The following EHF variants were observed in gnomAD, a reference collection of about 807,000 sequenced individuals.
EHF encodes the protein ETS homologous factor.
Under a neutral mutation model 45.1 loss-of-function variants are expected in EHF, and 14 were observed. The observed-to-expected ratio is 0.31, with a 90% CI of 0.21 to 0.49. The LOEUF (loss-of-function observed/expected upper bound fraction) is 0.49. Ranked by LOEUF, EHF falls within the 20% of genes least tolerant of loss-of-function variation. The probability of loss-of-function intolerance (pLI) is 0.99; values close to 1 mark genes in which losing one functional copy is unlikely to be tolerated. For synonymous variants in EHF, 136 were observed against 131.8 expected (o/e 1.03, Z -0.22); for missense variants, 282 against 371.4 (o/e 0.76, Z 1.98).
At chr11:34,650,690 A>G (rs1000684983) in intron 4 of EHF, among the ~76,000 whole-genome samples, 2 of 152,170 alleles carry the variant, frequency 1.3e-5, no homozygotes, top group Admixed American at 1.3e-4. Context: ...AAGAAACAAA[A>G]TGCTTCTGTT....
At chr11:34,650,199 T>C (rs749016192) in intron 4 of EHF, among the ~76,000 whole-genome samples, 6 of 152,176 alleles carry the variant, frequency 3.9e-5, no homozygotes, top group Non-Finnish European at 8.8e-5. Flanking sequence ...AATAACTTGA[T>C]AATTCCTTCT....
At position 34,622,508 on chromosome 11, in the gene EHF, A is replaced by C; in HGVS notation, c.-4+1280A>C. The C allele has an allele frequency of 1.1e-5, 7 of 619,912 alleles. No homozygotes were observed. In the South Asian group the frequency reaches 1.6e-4, roughly 14 times the overall value. 38.4% of individuals were successfully genotyped at this position (619,912 alleles called of 1,614,324 possible). On this transcript the variant is annotated intron_variant, in intron 1 of 8. Coordinates refer to ENST00000257831, the MANE Select transcript of EHF (RefSeq NM_012153.6). ...TAATTCCACTGGGGTCAGGGGAAAA[A>C]TTTATTTCTAACAGAAAAGAAGAAG...
intron 2 of EHF, among the ~76,000 whole-genome samples, chr11:34,645,207 A>G (rs1255434001): frequency 6.6e-6 from 1 of 152,190 alleles, no homozygotes; most frequent in Non-Finnish European, 1.5e-5. Flanking sequence ...AACTTCGGGC[A>G]GACTATGGAA....
At chr11:34,624,037 G>A (rs1322929521) in intron 1 of EHF, among the ~76,000 whole-genome samples, 1 of 152,228 alleles carries the variant, frequency 6.6e-6, no homozygotes, top group East Asian at 1.9e-4. Flanking sequence ...GAATCCCGTG[G>A]CAGAATCTGC....
At chr11:34,646,356 G>A (rs1854533413) in intron 2 of EHF, 83 bp from the exon 3 acceptor site, 5 of 1,579,976 alleles carry the variant, frequency 3.2e-6, no homozygotes, top group Middle Eastern at 2.3e-4. Flanking sequence ...GAGATATCTG[G>A]CAGCCAACAG....
chr11:34,649,568 G>A (rs1488013523), intron 4 of EHF, among the ~76,000 whole-genome samples: 1 of 152,202 alleles, frequency 6.6e-6, no homozygotes, highest in Non-Finnish European at 1.5e-5. Flanking sequence ...CTGCAGAGAT[G>A]TACAAAGGTA....
intron 3 of EHF, chr11:34,646,937 A>G (rs1854608287): frequency 1.9e-6 from 1 of 524,896 alleles, no homozygotes. Context: ...TTTCAAGAAG[A>G]CAAAAGCTGG....
intron 7 of EHF, 51 bp from the exon 8 acceptor site, chr11:34,658,482 T>A: frequency 2.6e-6 from 4 of 1,514,868 alleles, no homozygotes; most frequent in Non-Finnish European, 2.7e-6. Context: ...CTCTGCCCTA[T>A]CTTTGCTGTG....
At chr11:34,628,218 A>G (rs924002713) in intron 1 of EHF, among the ~76,000 whole-genome samples, 1 of 152,200 alleles carries the variant, frequency 6.6e-6, no homozygotes, top group Non-Finnish European at 1.5e-5. Flanking sequence ...AGCCTGAGCA[A>G]CAGAGTGAGA....
chr11:34,650,010 A>G (rs897834454), intron 4 of EHF, among the ~76,000 whole-genome samples: 2 of 152,262 alleles, frequency 1.3e-5, no homozygotes, highest in African/African-American at 4.8e-5. Context: ...AGGCTTTGCT[A>G]GCCCTGCCTT....
intron 1 of EHF, among the ~76,000 whole-genome samples, chr11:34,636,658 C>T (rs1240898450): frequency 2.6e-5 from 4 of 152,126 alleles, no homozygotes; most frequent in Non-Finnish European, 5.9e-5. Context: ...TCAACATAGC[C>T]CACCAAGCCA....
At chr11:34,637,591 G>C (rs986145255) in intron 1 of EHF, among the ~76,000 whole-genome samples, 1 of 152,180 alleles carries the variant, frequency 6.6e-6, no homozygotes, top group African/African-American at 2.4e-5. Context: ...ACATTGTAGG[G>C]GACTTGCTGC....
chr11:34,631,120 C>A (rs1040537191), intron 1 of EHF, among the ~76,000 whole-genome samples: 2 of 152,312 alleles, frequency 1.3e-5, no homozygotes, highest in Middle Eastern at 3.4e-3. Flanking sequence ...CAACCTCCAC[C>A]TCCTGGGTTC....
At chr11:34,638,652 G>A (rs971861485) in intron 1 of EHF, among the ~76,000 whole-genome samples, 2 of 152,132 alleles carry the variant, frequency 1.3e-5, no homozygotes, top group African/African-American at 2.4e-5. Flanking sequence ...CAGGGGTGCT[G>A]CTACACATCT....
chr11:34,621,411 G>A (rs1381178882), intron 1 of EHF, among the ~76,000 whole-genome samples, 183 bp downstream of exon 1: 1 of 152,134 alleles, frequency 6.6e-6, no homozygotes, highest in Non-Finnish European at 1.5e-5. Context: ...ATTTTGGAGG[G>A]CAGGTTGGCT....
At chr11:34,645,533 C>T (rs563338853) in intron 2 of EHF, among the ~76,000 whole-genome samples, 8 of 152,198 alleles carry the variant, frequency 5.3e-5, no homozygotes, top group South Asian at 2.1e-4. Context: ...GAGAATAAGA[C>T]GGCACTTAGA....
At chr11:34,622,877 G>T (rs1852076816) in intron 1 of EHF, among the ~76,000 whole-genome samples, 1 of 152,100 alleles carries the variant, frequency 6.6e-6, no homozygotes, top group Non-Finnish European at 1.5e-5. Flanking sequence ...TTTTACAGAG[G>T]CATTTTAAAT....
At position 34,651,758 on chromosome 11, in the gene EHF, T is replaced by C. The variant is rs753023913; in HGVS notation, c.497T>C (p.Phe166Ser). Residue 166 changes from phenylalanine to serine, a missense_variant, in exon 6 of 9, where the codon TTC (phenylalanine) becomes TCC (serine). Physicochemically the swap from Phe to Ser is radical, Grantham distance 155. Around this residue, in one of 3 missense-constraint regions of EHF, gnomAD observed 213 missense variants for 247.3 expected, o/e 0.86. Coordinates refer to ENST00000257831, the MANE Select transcript of EHF (RefSeq NM_012153.6). ...STVDLLDSKT[F>S]CRAQISMTTT... ...ACAGATTTGTTGGACAGCAAAACTTTCTGCCGGGCTCAGATCTCCATGACA... is the reference window on the plus strand; with the variant it reads ...ACAGATTTGTTGGACAGCAAAACTTCCTGCCGGGCTCAGATCTCCATGACA... 2.5e-6 allele frequency: 4 copies of C among 1,614,090 alleles called. No homozygotes were observed. In the South Asian group the frequency reaches 4.4e-5, roughly 18 times the overall value.
At chr11:34,637,741 T>C (rs1339768210) in intron 1 of EHF, among the ~76,000 whole-genome samples, 1 of 152,188 alleles carries the variant, frequency 6.6e-6, no homozygotes, top group Non-Finnish European at 1.5e-5. Context: ...TACAAACTTC[T>C]GCCCAAAGAG....
Sources: allele counts gnomAD v4.1 joint callset (sites outside exome capture counted in the v4.1 genomes callset), GRCh38; gene constraint gnomAD v4.1.1; regional missense constraint gnomAD v4.1.1; transcripts MANE v1.5; gene names NCBI Gene and HGNC (gene_info 2026-07-23, HGNC 2026-07-21).